Variants in PIGU observed in about 807,000 individuals in gnomAD.
The protein encoded by PIGU is phosphatidylinositol glycan anchor biosynthesis class U, also known as GPI-anchor transamidase component PIGU.
In PIGU, 24 loss-of-function variants were observed where a neutral mutation model predicts 49.9. The ratio of observed to expected loss-of-function variants is 0.48; its 90% CI spans 0.35 to 0.68. PIGU has a LOEUF of 0.68. PIGU is among the 30% of genes least tolerant of loss of function. The pLI, the probability that PIGU is intolerant of heterozygous loss-of-function variation, is 0.01. For missense variants in PIGU, 490 were observed against 532.6 expected (o/e 0.92, Z 0.79); for synonymous variants, 220 against 205.7 (o/e 1.07, Z -0.59).
intron 4 of PIGU, 150 bp from the exon 5 acceptor site, chr20:34,638,135 C>T (rs1394097095): frequency 7.6e-7 from 1 of 1,312,506 alleles, no homozygotes; most frequent in Non-Finnish European, 9.9e-7. Flanking sequence ...ACTCGGCCCT[C>T]CCCATCCCCT....
chr20:34,597,694 A>C lies in PIGU; in HGVS notation c.628-9087T>G, dbSNP rs1318474402. Among the ~76,000 whole-genome samples the C allele has an allele frequency of 2.0e-5, 3 of 152,234 alleles. No individual in the cohort carries two copies. The East Asian group carries it at 5.8e-4, about 29-fold the overall frequency. ...CAATTTACTTCAAAATGTATGAAAA[A>C]TAAGACTGACTGATGGATAGATGGA... is the stretch of plus-strand genomic sequence containing the variant. On this transcript the variant is annotated intron_variant, in intron 7 of 11. Transcript: ENST00000217446.
intron 2 of PIGU, among the ~76,000 whole-genome samples, chr20:34,649,848 CTTT>C (rs1243838081): frequency 2.8e-5 from 3 of 105,654 alleles, no homozygotes; most frequent in Non-Finnish European, 3.9e-5. Context: ...CTATTACATT[CTTT>C]TTTTTTTTTT....
intron 1 of PIGU, among the ~76,000 whole-genome samples, chr20:34,660,273 CAG>C (rs2146788195): frequency 6.6e-6 from 1 of 152,114 alleles, no homozygotes; most frequent in Admixed American, 6.6e-5. Flanking sequence ...ATATGAGAAA[CAG>C]AATATTTGCA....
At position 34,670,706 on chromosome 20, in the gene PIGU, A is replaced by C. The variant is rs533938025; in HGVS notation, c.130+6250T>G. Among the ~76,000 whole-genome samples the C allele has an allele frequency of 2.0e-5, 3 of 151,838 alleles. No individual in the cohort carries two copies. In the South Asian group the frequency reaches 6.2e-4, roughly 32 times the overall value. ...AGGCACACGCCACCATACCCACCTAATTTTTGTATTTCTTTTTTGTAGAGG... is the reference window on the plus strand; with the variant it reads ...AGGCACACGCCACCATACCCACCTACTTTTTGTATTTCTTTTTTGTAGAGG... On this transcript the variant is annotated intron_variant, in intron 1 of 11. Transcript: ENST00000217446.
chr20:34,607,904 C>T (rs191091154), intron 7 of PIGU, among the ~76,000 whole-genome samples: 1 of 152,226 alleles, frequency 6.6e-6, no homozygotes. Context: ...GTGTGAGCCA[C>T]TGCACCCAGC....
At chr20:34,586,061 A>C (rs1983688780) in intron 8 of PIGU, among the ~76,000 whole-genome samples, 1 of 152,210 alleles carries the variant, frequency 6.6e-6, no homozygotes. Flanking sequence ...TGAGACTTCT[A>C]GGGGCTTTAG....
chr20:34,560,795 G>T lies in PIGU; in HGVS notation c.*71C>A. The T allele has an allele frequency of 8.4e-7, 1 of 1,188,458 alleles. No individual in the cohort carries two copies. Among genetic ancestry groups the T allele is most frequent in the Non-Finnish European group, 1.2e-6 (1 of 866,770 alleles). The allele number at this position is 1,188,458 out of a possible 1,614,324, so 73.6% of individuals were successfully genotyped here. The stretch of plus-strand genomic sequence containing the variant: ...CAAGCACTCGCCTGCTGGCAACTCT[G>T]GCTGGAGGGCTTGGCCCAGCTTCTG... On this transcript the variant is annotated 3_prime_UTR_variant, in exon 12 of 12. Transcript: ENST00000217446.
At chr20:34,641,126 C>T (rs964526064) in intron 4 of PIGU, among the ~76,000 whole-genome samples, 1 of 152,196 alleles carries the variant, frequency 6.6e-6, no homozygotes, top group Non-Finnish European at 1.5e-5. Context: ...TGGAGTTTCA[C>T]CAGGCTGGTC....
chr20:34,625,468 T>C (rs1368968952), intron 6 of PIGU, among the ~76,000 whole-genome samples: 3 of 151,832 alleles, frequency 2.0e-5, no homozygotes, highest in Non-Finnish European at 2.9e-5. Context: ...ATTATCCTTT[T>C]GGGATCTATT....
chr20:34,565,549 C>T (rs574254156), intron 11 of PIGU, among the ~76,000 whole-genome samples: 24 of 151,996 alleles, frequency 1.6e-4, no homozygotes, highest in African/African-American at 5.6e-4. Context: ...TGAGCCACCG[C>T]GCCCGGCCGG....
At chr20:34,676,836 G>C (rs1987518511) in intron 1 of PIGU, 120 bp downstream of exon 1, 3 of 923,152 alleles carry the variant, frequency 3.2e-6, no homozygotes, top group African/African-American at 1.8e-5. Flanking sequence ...AGAACCCCAC[G>C]AGACAGTCAG....
intron 1 of PIGU, among the ~76,000 whole-genome samples, chr20:34,668,542 G>C (rs928018165): frequency 6.7e-6 from 1 of 148,460 alleles, no homozygotes; most frequent in Admixed American, 7.0e-5. Flanking sequence ...GGCTGAAGTG[G>C]GCAAATCATG....
intron 1 of PIGU, among the ~76,000 whole-genome samples, chr20:34,674,011 C>A (rs951499464): frequency 1.3e-5 from 2 of 151,934 alleles, no homozygotes; most frequent in Non-Finnish European, 2.9e-5. Flanking sequence ...CAAGATCATG[C>A]CACTACACTC....
chr20:34,576,297 T>C (rs1006264028), intron 10 of PIGU, among the ~76,000 whole-genome samples: 3 of 152,162 alleles, frequency 2.0e-5, no homozygotes, highest in Middle Eastern at 3.2e-3. Flanking sequence ...GTAAACAAGA[T>C]GACATGTGAA....
chr20:34,674,625 G>A (rs887088272), intron 1 of PIGU, among the ~76,000 whole-genome samples: 2 of 151,948 alleles, frequency 1.3e-5, no homozygotes, highest in Admixed American at 1.3e-4. Context: ...CCTTCAAGGA[G>A]CTCATAATAT....
At chr20:34,669,826 C>G (rs1207549203) in intron 1 of PIGU, among the ~76,000 whole-genome samples, 2 of 151,910 alleles carry the variant, frequency 1.3e-5, no homozygotes, top group African/African-American at 4.8e-5. Flanking sequence ...CTGGATTCTT[C>G]AATAGATAAA....
chr20:34,596,282 G>A (rs1984194536), intron 7 of PIGU, among the ~76,000 whole-genome samples: 1 of 152,194 alleles, frequency 6.6e-6, no homozygotes, highest in African/African-American at 2.4e-5. Flanking sequence ...AATGACAAGA[G>A]AAGACTGAAG....
chr20:34,560,950 G>A lies in PIGU; in HGVS notation c.1224C>T (p.Ala408=). ...TGAGGTAGTACTCCCGCCGCAGGAA[G>A]GCATAGAAGTAATCAGAGATGAGCA... ...QILLISDYFY[A]FLRREYYLTH... is the part of the protein sequence containing the mutation. The change falls in exon 12 of 12, where the codon GCC becomes GCT. Residue 408 remains alanine, a synonymous_variant. Transcript: ENST00000217446. 1 of 1,612,408 alleles carries A rather than the reference G, an allele frequency of 6.2e-7. No individual in the cohort carries two copies. The highest frequency in any genetic ancestry group is 1.7e-4 in the Middle Eastern group (1 of 6,056).
At chr20:34,601,537 C>A (rs1415275015) in intron 7 of PIGU, among the ~76,000 whole-genome samples, 2 of 152,132 alleles carry the variant, frequency 1.3e-5, no homozygotes, top group Admixed American at 6.5e-5. Flanking sequence ...TCATTCTTGT[C>A]ATGTCCAACG....
Sources: gnomAD v4.1 joint callset for allele counts (sites outside exome capture counted in the v4.1 genomes callset) on GRCh38, gnomAD v4.1.1 for gene constraint, MANE v1.5 for transcripts, NCBI Gene and HGNC (gene_info 2026-07-23, HGNC 2026-07-21) for gene names.